ATG16L2: variants seen among roughly 807,000 people sequenced by gnomAD.
ATG16L2 encodes the protein protein Atg16l2.
ATG16L2 carries 77 observed loss-of-function variants against 84.7 expected under a neutral mutation model. The ratio of observed to expected loss-of-function variants is 0.91; its 90% confidence interval spans 0.76 to 1.10. The LOEUF (loss-of-function observed/expected upper bound fraction) is 1.10, where lower values mean the gene tolerates loss of function less well. Among genes scored for constraint, ATG16L2 ranks in the 50% least tolerant of loss-of-function variants. The pLI is 0.00. For missense variants in ATG16L2, 782 were observed against 817.6 expected, an observed-to-expected ratio of 0.96 and a Z score of 0.53; for synonymous variants, 361 against 342.8, an observed-to-expected ratio of 1.05 and a Z score of -0.59.
At chr11:72,828,610 C>A (rs781517248) in intron 15 of ATG16L2, 102 bp downstream of exon 15, 36 of 1,591,942 alleles carry the variant, frequency 2.3e-5, no homozygotes, top group Non-Finnish European at 2.9e-5. Context: ...GAGGCCCCTC[C>A]AGACCAGGTC....
intron 4 of ATG16L2, 144 bp downstream of exon 4, chr11:72,821,885 C>A: frequency 7.1e-7 from 1 of 1,417,324 alleles, no homozygotes; most frequent in Non-Finnish European, 9.3e-7. Context: ...GAGGACCGAA[C>A]GGCTGGGCTC....
chr11:72,827,957 A>C (rs10898883), intron 14 of ATG16L2, among the ~76,000 whole-genome samples: 145,862 of 152,164 alleles, frequency 0.96, 70,213 homozygotes, highest in Middle Eastern at 1. Flanking sequence ...AAAACCAAAA[A>C]CAAAACAAAA....
At chr11:72,826,391 A>G (rs1860357948) in intron 11 of ATG16L2, 127 bp from the exon 12 acceptor site, 4 of 1,444,278 alleles carry the variant, frequency 2.8e-6, no homozygotes, top group Non-Finnish European at 3.8e-6. Context: ...CTTGGGCCGG[A>G]GGCTCCTTTG....
chr11:72,841,364 A>AG (rs1860931480), intron 5 of ATG16L2: 1 of 999,682 alleles, frequency 1.0e-6, no homozygotes, highest in African/African-American at 1.8e-5. Flanking sequence ...AAAAAAAAAA[A>AG]GCAAATGCAG....
At chr11:72,841,340 CAAAAAAAAA>C (rs59748827) in intron 5 of ATG16L2, 55 of 373,796 alleles carry the variant, frequency 1.5e-4, no homozygotes, top group African/African-American at 2.9e-4. Flanking sequence ...ACTCTGTCTC[CAAAAAAAAA>C]AAAAAAAAAA....
intron 11 of ATG16L2, 54 bp from the exon 12 acceptor site, chr11:72,826,464 C>T (rs1364705798): frequency 2.5e-5 from 40 of 1,606,574 alleles, no homozygotes; most frequent in East Asian, 4.5e-5. Flanking sequence ...TTCTGTGGCC[C>T]GAAGAATGTT....
In ATG16L2 at chr11:72,823,043, A is replaced by G. The variant is rs572907523; in HGVS notation, c.824+82A>G. On this transcript the variant is annotated intron_variant, in intron 7 of 17. Coordinates refer to ENST00000321297, the MANE Select transcript of ATG16L2 (RefSeq NM_033388.2). ...CCAGGGTCTTCCTCTTGGACCTTGG[A>G]GCCAGCTCTTGGGTTGGGAGGGGGC... 94 of 1,004,400 alleles carry G rather than the reference A, an allele frequency of 9.4e-5. No homozygotes were observed. In the East Asian group the frequency reaches 2.1e-3, roughly 22 times the overall value. 62.2% of individuals were successfully genotyped at this position (1,004,400 alleles called of 1,614,324 possible).
chr11:72,828,854 G>A (rs189768107), intron 16 of ATG16L2, 29 bp from the exon 17 acceptor site: 35 of 1,613,936 alleles, frequency 2.2e-5, no homozygotes, highest in South Asian at 8.8e-5. Context: ...CTGACCCCCC[G>A]TTTTCTTGCT....
At chr11:72,826,980 C>G in intron 13 of ATG16L2, 157 bp downstream of exon 13, 1 of 950,420 alleles carries the variant, frequency 1.1e-6, no homozygotes. Context: ...AATGGTATCC[C>G]CCAGTGGTGT....
Position 72,816,372 on chromosome 11 carries a change from ACTTTCTGGGG to A in ATG16L2, c.119-353_119-344del. Reference sequence around the variant, plus strand: ...CAGGTAGAGCTCGGTTTATTTCATCACTTTCTGGGGCTAAGCCTTGCTCTGAGGCAGGGAT... The same window carrying A: ...CAGGTAGAGCTCGGTTTATTTCATCACTAAGCCTTGCTCTGAGGCAGGGAT... On this transcript the variant is annotated intron_variant, in intron 1 of 17. Coordinates refer to ENST00000321297, the MANE Select transcript of ATG16L2 (RefSeq NM_033388.2). 18 of 190,228 alleles carry A rather than the reference ACTTTCTGGGG, an allele frequency of 9.5e-5. No individual in the cohort carries two copies. The East Asian group carries it at 1.6e-3, about 17-fold the overall frequency. 11.8% of individuals were successfully genotyped at this position (190,228 alleles called of 1,614,324 possible).
At position 72,822,713 on chromosome 11, in the gene ATG16L2, T is replaced by C; in HGVS notation, c.711-135T>C. 9.6e-7 allele frequency: 1 copy of C among 1,036,572 alleles called. No individual in the cohort carries two copies. Among genetic ancestry groups the C allele is most frequent in the Non-Finnish European group, 1.4e-6 (1 of 710,762 alleles). 64.2% of individuals were successfully genotyped at this position (1,036,572 alleles called of 1,614,324 possible). On this transcript the variant is annotated intron_variant, in intron 6 of 17. Coordinates refer to ENST00000321297, the MANE Select transcript of ATG16L2 (RefSeq NM_033388.2). This position sits in a 1 kb window ranked among gnomAD's most constrained non-coding sequence, Gnocchi z 4.2. ...GACCGTGTGGTCGTAGGAGCCTGCA[T>C]GCGTGACCGCTGCACGTGTACACCC...
intron 3 of ATG16L2, chr11:72,821,164 CTT>C: frequency 5.2e-6 from 5 of 965,978 alleles, no homozygotes; most frequent in South Asian, 4.7e-5. Context: ...GGGCAAGACA[CTT>C]AAACCTCTCT....
Position 72,822,548 on chromosome 11 carries a change from G to A in ATG16L2, c.710+5G>A, listed in dbSNP as rs1291905808. 3 of 1,612,694 alleles carry A rather than the reference G, an allele frequency of 1.9e-6. No individual in the cohort carries two copies. The highest frequency in any genetic ancestry group is 1.3e-5 in the African/African-American group (1 of 74,964). On this transcript the variant is annotated splice_donor_5th_base_variant and intron_variant, in intron 6 of 17. Coordinates refer to ENST00000321297, the MANE Select transcript of ATG16L2 (RefSeq NM_033388.2). This position sits in a 1 kb window ranked among gnomAD's most constrained non-coding sequence, Gnocchi z 4.2. The stretch of plus-strand genomic sequence containing the variant: ...GCGGACCGTGAGCATCAGCGAGTAA[G>A]AGTGGGGATGGGCCGGTCCGACCCT...
At chr11:72,817,928 C>T (rs891655) in intron 3 of ATG16L2, 73 bp downstream of exon 3, 1,301,854 of 1,311,480 alleles carry the variant, frequency 0.99, 646,585 homozygotes, top group East Asian at 1. Flanking sequence ...ACGGGTACTC[C>T]TGTGTTTGCT....
At chr11:72,821,856 A>G in intron 4 of ATG16L2, 115 bp downstream of exon 4, 1 of 1,443,682 alleles carries the variant, frequency 6.9e-7, no homozygotes, top group Non-Finnish European at 9.2e-7. Flanking sequence ...CGTCCCCCCG[A>G]CCCCATCGGT....
intron 9 of ATG16L2, 135 bp from the exon 10 acceptor site, chr11:72,825,167 G>A (rs1175777154): frequency 2.9e-6 from 2 of 698,528 alleles, no homozygotes; most frequent in African/African-American, 1.8e-5. Flanking sequence ...TCAGAGTGTG[G>A]ACAGAGAAAC....
chr11:72,818,041 A>G, intron 3 of ATG16L2, 186 bp downstream of exon 3: 1 of 594,596 alleles, frequency 1.7e-6, no homozygotes, highest in Non-Finnish European at 3.0e-6. Flanking sequence ...GCAGCCCAGG[A>G]TGAAGTGGGC....
chr11:72,824,867 G>A, intron 9 of ATG16L2, 25 bp downstream of exon 9: 1 of 1,555,516 alleles, frequency 6.4e-7, no homozygotes, highest in South Asian at 1.2e-5. Context: ...GAGCCACATG[G>A]GTGGGGCAGT....
At chr11:72,824,963 G>A in intron 9 of ATG16L2, 121 bp downstream of exon 9, 1 of 786,710 alleles carries the variant, frequency 1.3e-6, no homozygotes, top group Non-Finnish European at 2.0e-6. Context: ...TCCTCAGCAG[G>A]AGCAGGAGGC....
Sources: gnomAD v4.1 joint callset for allele counts (sites outside exome capture counted in the v4.1 genomes callset) on GRCh38, gnomAD v4.1.1 for gene constraint, Gnocchi (gnomAD v3.1) non-coding constraint, MANE v1.5 for transcripts, NCBI Gene and HGNC (gene_info 2026-07-23, HGNC 2026-07-21) for gene names.